ADCY6: variants seen among roughly 807,000 people sequenced by gnomAD.
ADCY6 encodes the protein adenylate cyclase type 6.
ADCY6 carries 59 observed loss-of-function variants against 111.6 expected under a neutral mutation model. That is an observed-to-expected ratio of 0.53 (90% CI 0.43 to 0.66). The LOEUF (loss-of-function observed/expected upper bound fraction) is 0.66. ADCY6 is among the 30% of genes least tolerant of loss of function. The pLI is 0.00. For synonymous variants in ADCY6, 576 were observed against 642.9 expected (o/e 0.90, Z 1.57); for missense variants, 1,242 against 1,595.6 (o/e 0.78, Z 3.78).
In ADCY6 at chr12:48,777,982, T is replaced by G; in HGVS notation, c.1014+126A>C. The G allele has an allele frequency of 7.2e-7, 1 of 1,384,252 alleles. No homozygotes were observed. Among genetic ancestry groups the G allele is most frequent in the Non-Finnish European group, 9.8e-7 (1 of 1,023,984 alleles). The allele number at this position is 1,384,252 out of a possible 1,614,324, so 85.7% of individuals were successfully genotyped here. On this transcript the variant is annotated intron_variant, in intron 3 of 21. Coordinates refer to ENST00000357869, the MANE Select transcript of ADCY6 (RefSeq NM_015270.5). This position sits in a 1 kb window ranked among gnomAD's most constrained non-coding sequence, Gnocchi z 4.9. Reference sequence around the variant, plus strand: ...CAAAACCCCAGTATCACAGGGCCTCTGTGACGCACAACCCAGGGGAACCAT... The same window carrying G: ...CAAAACCCCAGTATCACAGGGCCTCGGTGACGCACAACCCAGGGGAACCAT...
Position 48,768,731 on chromosome 12 carries a change from G to C in ADCY6, c.3382-15C>G. 1 of 1,612,984 alleles carries C rather than the reference G, an allele frequency of 6.2e-7. No homozygotes were observed. The highest frequency in any genetic ancestry group is 8.5e-7 in the Non-Finnish European group (1 of 1,179,218). ...TCCGTGGTCACCTGGGGGAGTGGGA[G>C]GGGAGCCCGCTTAGCCTGGAATCCT... On this transcript the variant is annotated splice_polypyrimidine_tract_variant and intron_variant, in intron 21 of 21. Transcript: ENST00000357869.
At chr12:48,774,840 A>C in intron 12 of ADCY6, 62 bp from the exon 13 acceptor site, 1 of 1,560,010 alleles carries the variant, frequency 6.4e-7, no homozygotes, top group Non-Finnish European at 8.7e-7. Flanking sequence ...TTCTTGTCCC[A>C]CCCTCTGGAA....
At chr12:48,779,046 T>C (rs1165581479) in intron 2 of ADCY6, among the ~76,000 whole-genome samples, 1 of 151,380 alleles carries the variant, frequency 6.6e-6, no homozygotes, top group Admixed American at 6.6e-5. Flanking sequence ...ACTGGCTAAT[T>C]TTTGTATATT....
intron 15 of ADCY6, 60 bp from the exon 16 acceptor site, chr12:48,773,707 GGAGA>G: frequency 6.3e-7 from 1 of 1,599,146 alleles, no homozygotes; most frequent in Non-Finnish European, 8.6e-7. Context: ...CCTTGGGCAG[GGAGA>G]GCCCTGCACT....
chr12:48,766,280 C>T lies in ADCY6; in HGVS notation c.*2311G>A, dbSNP rs1315956783. On this transcript the variant is annotated 3_prime_UTR_variant, in exon 22 of 22. Transcript: ENST00000357869. Reference sequence around the variant, plus strand: ...GGTTCACCATCCTCCCCCACCCCCACAGTGGTTACATTATAAAACCAAAGC... The same window carrying T: ...GGTTCACCATCCTCCCCCACCCCCATAGTGGTTACATTATAAAACCAAAGC... 6.5e-6 allele frequency: 1 copy of T among 152,678 alleles called. No individual in the cohort carries two copies. Among genetic ancestry groups the T allele is most frequent in the African/African-American group, 2.4e-5 (1 of 41,438 alleles). 9.5% of individuals were successfully genotyped at this position (152,678 alleles called of 1,614,324 possible). A position where few individuals can be genotyped will look rare whatever the true frequency, so the allele number is the denominator to read the frequency against.
rs758195143 is a variant in ADCY6 at position 48,774,451 on chromosome 12, A to G, written c.2234T>C (p.Val745Ala). ...IVRSRAHSTA[V>A]GIFSVLLVFT... ...CACAAGCAGGACGGAAAAGATGCCA[A>G]CTGCGGTGCTATGTGCCCGTGAGCG... Residue 745 changes from valine (V) to alanine (A), a missense_variant, in exon 14 of 22, where the codon GTT (valine) becomes GCT (alanine). By Grantham distance (64) the Val-to-Ala change is moderately conservative. Around this residue, in one of 4 missense-constraint regions of ADCY6, gnomAD observed 375 missense variants for 432.5 expected, o/e 0.87. Coordinates refer to ENST00000357869, the MANE Select transcript of ADCY6 (RefSeq NM_015270.5). 5 of 1,613,994 alleles carry G rather than the reference A, an allele frequency of 3.1e-6. No individual in the cohort carries two copies. The highest frequency in any genetic ancestry group is 4.2e-6 in the Non-Finnish European group (5 of 1,179,990).
In ADCY6 at chr12:48,783,090, C is replaced by T. The variant is rs1273234450; in HGVS notation, c.345G>A (p.Gly115=). 6.2e-7 allele frequency: 1 copy of T among 1,611,868 alleles called. No homozygotes were observed. The highest frequency in any genetic ancestry group is 1.1e-5 in the South Asian group (1 of 91,044). The change falls in exon 2 of 22, where the codon GGG becomes GGA. Residue 115 remains glycine, a synonymous_variant. Transcript: ENST00000357869. The part of the protein sequence containing the change: ...EVAPDAVPRS[G]RSCWRRLVQV... Reference sequence around the variant, plus strand: ...GCACCAGACGGCGCCAGCAGGATCGCCCACTCCTGGGCACCGCGTCGGGCG... The same window carrying T: ...GCACCAGACGGCGCCAGCAGGATCGTCCACTCCTGGGCACCGCGTCGGGCG...
At chr12:48,788,371 A>C (rs998424257) in intron 1 of ADCY6, among the ~76,000 whole-genome samples, 2 of 152,116 alleles carry the variant, frequency 1.3e-5, no homozygotes, top group Non-Finnish European at 2.9e-5. Context: ...CGAGCCCCAG[A>C]GTCTGCTTTG....
At chr12:48,779,190 C>T (rs74892016) in intron 2 of ADCY6, among the ~76,000 whole-genome samples, 2,483 of 152,044 alleles carry the variant, frequency 0.016, 76 homozygotes, top group African/African-American at 0.055. Flanking sequence ...GCACCTGGCC[C>T]CTAACACATT....
intron 18 of ADCY6, 141 bp from the exon 19 acceptor site, chr12:48,772,114 G>C: frequency 4.3e-6 from 6 of 1,382,262 alleles, no homozygotes; most frequent in Non-Finnish European, 5.8e-6. Flanking sequence ...ACAGGCAAAG[G>C]GGTAAAGGGG....
At position 48,774,016 on chromosome 12, in the gene ADCY6, AG is replaced by A. The variant is rs1167862677; in HGVS notation, c.2365del (p.Leu789CysfsTer34). ...GCCCAGAGAGTAATTGAGCTGCTGC[AG>A]GTGGCAGGCAGTGATGTCAGCAGGT... ...LTPADITACH[L>X]QQLNYSLGLD... On this transcript the variant is annotated frameshift_variant, in exon 15 of 22. Transcript: ENST00000357869. LOFTEE classifies it high-confidence loss of function. 6.2e-7 allele frequency: 1 copy of A among 1,613,436 alleles called. No homozygotes were observed. Among genetic ancestry groups the A allele is most frequent in the South Asian group, 1.1e-5 (1 of 90,886 alleles).
At position 48,777,882 on chromosome 12, in the gene ADCY6, C is replaced by G; in HGVS notation, c.1015-146G>C. 7.3e-7 allele frequency: 1 copy of G among 1,368,092 alleles called. No individual in the cohort carries two copies. Among genetic ancestry groups the G allele is most frequent in the Non-Finnish European group, 9.9e-7 (1 of 1,011,690 alleles). The allele number at this position is 1,368,092 out of a possible 1,614,324, so 84.7% of individuals were successfully genotyped here. A position where few individuals can be genotyped will look rare whatever the true frequency, so the allele number is the denominator to read the frequency against. Reference sequence around the variant, plus strand: ...GGACTGTGGCCTGACCTTCCCCCATCAGAGCCCCCTCTGACCACCCTCCAT... The same window carrying G: ...GGACTGTGGCCTGACCTTCCCCCATGAGAGCCCCCTCTGACCACCCTCCAT... On this transcript the variant is annotated intron_variant, in intron 3 of 21. Coordinates refer to ENST00000357869, the MANE Select transcript of ADCY6 (RefSeq NM_015270.5). This position sits in a 1 kb window ranked among gnomAD's most constrained non-coding sequence, Gnocchi z 4.9.
At chr12:48,781,775 GC>G (rs1941851289) in intron 2 of ADCY6, among the ~76,000 whole-genome samples, 1 of 152,212 alleles carries the variant, frequency 6.6e-6, no homozygotes, top group African/African-American at 2.4e-5. Context: ...CACTGGATAA[GC>G]AGGTCAGCCT....
At position 48,776,370 on chromosome 12, in the gene ADCY6, T is replaced by C; in HGVS notation, c.1536-20A>G. ...ATGCGGCTGTATGTGGCCAAGAGGGTGAGACCCTGGCTCTCCCACCTTGCC... is the reference window on the plus strand; with the variant it reads ...ATGCGGCTGTATGTGGCCAAGAGGGCGAGACCCTGGCTCTCCCACCTTGCC... On this transcript the variant is annotated intron_variant, in intron 7 of 21. Transcript: ENST00000357869. This position sits in a 1 kb window ranked among gnomAD's most constrained non-coding sequence, Gnocchi z 6.1. 1.2e-6 allele frequency: 2 copies of C among 1,614,006 alleles called. No individual in the cohort carries two copies. The highest frequency in any genetic ancestry group is 1.7e-6 in the Non-Finnish European group (2 of 1,179,960).
chr12:48,786,353 G>A (rs764694426), intron 1 of ADCY6, among the ~76,000 whole-genome samples: 3 of 152,156 alleles, frequency 2.0e-5, no homozygotes, highest in Non-Finnish European at 2.9e-5. Flanking sequence ...AGAGCAGCAC[G>A]TCCTTCAACC....
intron 20 of ADCY6, 114 bp downstream of exon 20, chr12:48,770,652 G>A: frequency 9.2e-7 from 1 of 1,089,594 alleles, no homozygotes; most frequent in Admixed American, 1.9e-5. Flanking sequence ...TCAGAGGGAA[G>A]AAAACCCCAC....
chr12:48,772,887 T>A (rs1406997581), intron 16 of ADCY6, among the ~76,000 whole-genome samples: 1 of 152,220 alleles, frequency 6.6e-6, no homozygotes, highest in African/African-American at 2.4e-5. Flanking sequence ...TTAGTTACTA[T>A]AATCTTTACA....
At chr12:48,786,097 A>G (rs1941974638) in intron 1 of ADCY6, among the ~76,000 whole-genome samples, 1 of 152,116 alleles carries the variant, frequency 6.6e-6, no homozygotes. Flanking sequence ...GGTCCCTTGT[A>G]ATTAAACCTG....
intron 1 of ADCY6, among the ~76,000 whole-genome samples, chr12:48,784,673 T>TTTG (rs1403480231): frequency 2.2e-5 from 3 of 137,462 alleles, no homozygotes; most frequent in African/African-American, 8.3e-5. Flanking sequence ...GAGTTTTTTT[T>TTTG]TTTTTTTTTT....
Sources: gnomAD v4.1 joint callset for allele counts (sites outside exome capture counted in the v4.1 genomes callset) on GRCh38, gnomAD v4.1.1 for gene constraint, gnomAD v4.1.1 regional missense constraint, Gnocchi (gnomAD v3.1) non-coding constraint, MANE v1.5 for transcripts, NCBI Gene and HGNC (gene_info 2026-07-23, HGNC 2026-07-21) for gene names.